Variants in USH2A observed in about 807,000 individuals in gnomAD.
The protein encoded by USH2A is usherin.
Under a neutral mutation model 538.9 loss-of-function variants are expected in USH2A, and 443 were observed. The ratio of observed to expected loss-of-function variants is 0.82; its 90% CI spans 0.76 to 0.89. The LOEUF (loss-of-function observed/expected upper bound fraction) is 0.89, where lower values mean the gene tolerates loss of function less well. Among genes scored for constraint, USH2A ranks in the 40% least tolerant of loss-of-function variants. USH2A has a pLI of 0.00. For missense variants in USH2A, 6,633 were observed against 6,324.8 expected (o/e 1.05, Z -1.65); for synonymous variants, 2,413 against 2,273.5 (o/e 1.06, Z -1.75).
intron 35 of USH2A, among the ~76,000 whole-genome samples, chr1:215,990,412 T>C (rs1311930963): frequency 1.3e-5 from 2 of 152,202 alleles, no homozygotes; most frequent in Non-Finnish European, 2.9e-5. Context: ...AAAGGTAATT[T>C]CCACAAGAAA....
chr1:216,191,486 G>T (rs376759443), intron 19 of USH2A, among the ~76,000 whole-genome samples: 1 of 151,892 alleles, frequency 6.6e-6, no homozygotes, highest in East Asian at 1.9e-4. Context: ...TGTTTTTAAA[G>T]ATTCTAAAAC....
chr1:216,117,879 TAGATATATATATGCATGTATACAC>T (rs1283927975), intron 21 of USH2A, among the ~76,000 whole-genome samples: 1 of 151,392 alleles, frequency 6.6e-6, no homozygotes. Flanking sequence ...TACACATATA[TAGATATATATATGCATGTATACAC>T]AGATATATAT....
At chr1:216,129,664 A>T (rs568569991) in intron 21 of USH2A, among the ~76,000 whole-genome samples, 49 of 152,126 alleles carry the variant, frequency 3.2e-4, no homozygotes, top group African/African-American at 1.1e-3. Flanking sequence ...TGCAATCCCT[A>T]TCGAAATACT....
chr1:216,346,180 C>T (rs916428384), intron 4 of USH2A, among the ~76,000 whole-genome samples: 12 of 152,024 alleles, frequency 7.9e-5, no homozygotes, highest in Admixed American at 1.3e-4. Context: ...TTGACAGTTT[C>T]GCCTGGCTAA....
At chr1:216,004,790 G>A (rs577108598) in intron 32 of USH2A, among the ~76,000 whole-genome samples, 8 of 152,190 alleles carry the variant, frequency 5.3e-5, no homozygotes, top group African/African-American at 1.9e-4. Context: ...AAAAATTGCT[G>A]GAGTTTTGTC....
intron 38 of USH2A, among the ~76,000 whole-genome samples, chr1:215,912,636 G>A (rs777365642): frequency 4.0e-5 from 6 of 151,438 alleles, no homozygotes; most frequent in Admixed American, 2.0e-4. Context: ...TTTGAGTTAC[G>A]AACATTTCAA....
chr1:216,202,009 T>A (rs2035012143), intron 16 of USH2A, among the ~76,000 whole-genome samples: 1 of 152,154 alleles, frequency 6.6e-6, no homozygotes, highest in Admixed American at 6.5e-5. Context: ...GTTATTTCAA[T>A]AAATATTTAC....
chr1:215,742,785 A>C (rs2102726980), intron 59 of USH2A, among the ~76,000 whole-genome samples: 1 of 152,256 alleles, frequency 6.6e-6, no homozygotes, highest in South Asian at 2.1e-4. Flanking sequence ...TCAACTCTTA[A>C]ATAACTTCTC....
At position 215,634,648 on chromosome 1, in the gene USH2A, C is replaced by T. The variant is rs144817409; in HGVS notation, c.15108G>A (p.Glu5036=). ...CTATGAACCACAGCTCGCTGTAGAA[C>T]TCTGTGCTTTTGCTCCGCGATCCCT... ...KKKGSRSKST[E]FYSELWFIVL... is the part of the protein sequence containing the mutation. The change falls in exon 70 of 72, where the codon GAG becomes GAA. Residue 5036 remains glutamate, a synonymous_variant. Coordinates refer to ENST00000307340, the MANE Select transcript of USH2A (RefSeq NM_206933.4). 6.2e-7 allele frequency: 1 copy of T among 1,614,240 alleles called. No individual in the cohort carries two copies. Among genetic ancestry groups the T allele is most frequent in the Non-Finnish European group, 8.5e-7 (1 of 1,180,046 alleles).
At chr1:215,863,985 A>C (rs1664400148) in intron 44 of USH2A, among the ~76,000 whole-genome samples, 1 of 152,126 alleles carries the variant, frequency 6.6e-6, no homozygotes. Flanking sequence ...CTCTTTTACA[A>C]AGCATTGCCC....
At chr1:216,192,173 C>G (rs564698465) in intron 19 of USH2A, among the ~76,000 whole-genome samples, 1 of 152,060 alleles carries the variant, frequency 6.6e-6, no homozygotes, top group African/African-American at 2.4e-5. Flanking sequence ...TTTTACGTAT[C>G]CCCCCTGTCT....
intron 29 of USH2A, among the ~76,000 whole-genome samples, chr1:216,071,373 T>A (rs1208953486): frequency 6.6e-6 from 1 of 152,012 alleles, no homozygotes; most frequent in African/African-American, 2.4e-5. Flanking sequence ...GGCCACAAGA[T>A]CGAGTTGCAA....
At chr1:216,116,305 G>T (rs1038649763) in intron 21 of USH2A, among the ~76,000 whole-genome samples, 2 of 151,798 alleles carry the variant, frequency 1.3e-5, no homozygotes, top group Non-Finnish European at 2.9e-5. Context: ...TTCAAAAATT[G>T]ATCTTACAAT....
chr1:215,960,733 T>G (rs186035855), intron 37 of USH2A, among the ~76,000 whole-genome samples: 3 of 152,270 alleles, frequency 2.0e-5, no homozygotes, highest in Admixed American at 2.0e-4. Flanking sequence ...GGTTGGTTGA[T>G]CTGTTAATTT....
chr1:216,355,378 G>GAAAGAAAGAGAGAAA (rs1191084342), intron 4 of USH2A, among the ~76,000 whole-genome samples: 1 of 112,872 alleles, frequency 8.9e-6, no homozygotes, highest in African/African-American at 3.4e-5. Flanking sequence ...AAAGAAAGAA[G>GAAAGAAAGAGAGAAA]GAAAGAAACA....
chr1:215,952,803 G>A (rs570883702), intron 37 of USH2A, among the ~76,000 whole-genome samples: 7 of 152,256 alleles, frequency 4.6e-5, no homozygotes, highest in Non-Finnish European at 7.4e-5. Flanking sequence ...CTCTATGGCT[G>A]CCCTTAACAT....
At chr1:216,284,067 A>C (rs564658113) in intron 11 of USH2A, among the ~76,000 whole-genome samples, 2 of 152,134 alleles carry the variant, frequency 1.3e-5, no homozygotes, top group African/African-American at 4.8e-5. Flanking sequence ...ATTTCCTTGT[A>C]TCTCTCTCTC....
At chr1:215,645,375 G>T (rs1656813306) in intron 67 of USH2A, among the ~76,000 whole-genome samples, 1 of 152,030 alleles carries the variant, frequency 6.6e-6, no homozygotes, top group Non-Finnish European at 1.5e-5. Flanking sequence ...AACTGGCCAG[G>T]TTACTTAAGC....
chr1:216,199,658 A>C lies in USH2A; in HGVS notation c.3780T>G (p.His1260Gln). The C allele has an allele frequency of 6.2e-7, 1 of 1,614,112 alleles. No individual in the cohort carries two copies. Among genetic ancestry groups the C allele is most frequent in the Non-Finnish European group, 8.5e-7 (1 of 1,179,982 alleles). Reference protein sequence around the residue: ...KMQKISSTELHVEWSPPAELN... With the variant: ...KMQKISSTELQVEWSPPAELN... ...GTTCCGCTGGTGGAGACCATTCTAC[A>C]TGAAGTTCTGTAGAACTGATTTTCT... is the stretch of plus-strand genomic sequence containing the variant. Residue 1260 changes from histidine to glutamine, a missense_variant, in exon 17 of 72, where the codon CAT becomes CAG. Physicochemically the swap from His to Gln is conservative, Grantham distance 24. Coordinates refer to ENST00000307340, the MANE Select transcript of USH2A (RefSeq NM_206933.4).
Sources: allele counts gnomAD v4.1 joint callset (sites outside exome capture counted in the v4.1 genomes callset), GRCh38; gene constraint gnomAD v4.1.1; transcripts MANE v1.5; gene names NCBI Gene and HGNC (gene_info 2026-07-23, HGNC 2026-07-21).